Variants in KIF5C observed in about 807,000 individuals in gnomAD.
KIF5C encodes kinesin family member 5C, also known as kinesin heavy chain isoform 5C.
Under a neutral mutation model 125.2 loss-of-function variants are expected in KIF5C, and 18 were observed. The observed-to-expected ratio is 0.14, with a 90% CI of 0.10 to 0.21. The LOEUF is 0.21. Ranked by LOEUF, KIF5C falls within the 10% of genes least tolerant of loss-of-function variation. KIF5C has a pLI of 1.00. For synonymous variants in KIF5C, 405 were observed against 434.0 expected (o/e 0.93, Z 0.83); for missense variants, 780 against 1,183.8 (o/e 0.66, Z 5.01).
chr2:148,888,388 C>T (rs969631553), intron 1 of KIF5C: 1 of 152,262 alleles, frequency 6.6e-6, no homozygotes, highest in Non-Finnish European at 1.5e-5. Context: ...GGTCCCTCTG[C>T]CCCGCAGGAC....
rs1682601315 is a variant in KIF5C at position 149,023,694 on chromosome 2, T to C, written c.*624T>C. The C allele has an allele frequency of 6.6e-6, 1 of 152,546 alleles. No individual in the cohort carries two copies. The allele number at this position is 152,546 out of a possible 1,614,324, so 9.4% of individuals were successfully genotyped here. On this transcript the variant is annotated 3_prime_UTR_variant, in exon 26 of 26. Coordinates refer to ENST00000435030, the MANE Select transcript of KIF5C (RefSeq NM_004522.3). ...AAATTTCTTTGGGGCAGAAAAACAA[T>C]CTGACAGTAGCAGTGTAGAATTTGT...
chr2:148,899,317 C>T (rs756574996), intron 1 of KIF5C, among the ~76,000 whole-genome samples: 10 of 152,010 alleles, frequency 6.6e-5, no homozygotes, highest in Non-Finnish European at 1.3e-4. Flanking sequence ...TTTGGATTAA[C>T]GAAAATGGAA....
intron 7 of KIF5C, among the ~76,000 whole-genome samples, chr2:148,944,277 T>C (rs1256259081): frequency 6.6e-6 from 1 of 152,194 alleles, no homozygotes; most frequent in Non-Finnish European, 1.5e-5. Context: ...TCTCTAGAAC[T>C]TTATCTTCTC....
intron 3 of KIF5C, among the ~76,000 whole-genome samples, chr2:148,930,008 C>G (rs1682137104): frequency 6.6e-6 from 1 of 152,202 alleles, no homozygotes; most frequent in South Asian, 2.1e-4. Flanking sequence ...CAGGGAACAG[C>G]TGCTGTCACC....
At position 148,944,149 on chromosome 2, in the gene KIF5C, T is replaced by C. The variant is rs1682470534; in HGVS notation, c.589+1389T>C. Reference sequence around the variant, plus strand: ...TATTCTTATCATTCTGGTAAGGTTTTTCTTTATTATTGCAATAAAATATAC... The same window carrying C: ...TATTCTTATCATTCTGGTAAGGTTTCTCTTTATTATTGCAATAAAATATAC... On this transcript the variant is annotated intron_variant, in intron 7 of 25. Transcript: ENST00000435030. Among the ~76,000 whole-genome samples the C allele has an allele frequency of 3.9e-5, 6 of 152,214 alleles. No individual in the cohort carries two copies. In the South Asian group the frequency reaches 1.2e-3, roughly 32 times the overall value.
intron 25 of KIF5C, among the ~76,000 whole-genome samples, chr2:149,015,330 C>CT (rs5835288): frequency 0.046 from 6,945 of 152,192 alleles, 398 homozygotes; most frequent in African/African-American, 0.13. Context: ...ATGCTAAATC[C>CT]TTTTTGAAAA....
chr2:148,960,147 G>A (rs1168312914), intron 10 of KIF5C, among the ~76,000 whole-genome samples: 1 of 152,178 alleles, frequency 6.6e-6, no homozygotes, highest in Non-Finnish European at 1.5e-5. Context: ...AGTATTTTGA[G>A]AATGAGGACC....
At chr2:148,899,901 C>A (rs1474601810) in intron 1 of KIF5C, among the ~76,000 whole-genome samples, 1 of 152,014 alleles carries the variant, frequency 6.6e-6, no homozygotes, top group African/African-American at 2.4e-5. Flanking sequence ...GTAGGGTATG[C>A]CTGGGCATTA....
At chr2:148,981,292 C>T (rs1178529200) in intron 13 of KIF5C, 63 bp from the exon 14 acceptor site, 4 of 1,484,160 alleles carry the variant, frequency 2.7e-6, no homozygotes, top group Non-Finnish European at 3.6e-6. Flanking sequence ...CTTTTGGATA[C>T]AGCATAGAAC....
chr2:149,000,533 A>C lies in KIF5C; in HGVS notation c.2312+9A>C. Reference sequence around the variant, plus strand: ...AAGCTGGAAAAGCTCTTGTGAGTGCACTCTAAATATTTCCTCTATTTTCTC... The same window carrying C: ...AAGCTGGAAAAGCTCTTGTGAGTGCCCTCTAAATATTTCCTCTATTTTCTC... On this transcript the variant is annotated intron_variant, in intron 20 of 25. Transcript: ENST00000435030. 6.4e-7 allele frequency: 1 copy of C among 1,551,954 alleles called. No individual in the cohort carries two copies. Among genetic ancestry groups the C allele is most frequent in the Non-Finnish European group, 8.8e-7 (1 of 1,142,682 alleles).
At chr2:148,940,658 T>G (rs1017327270) in intron 4 of KIF5C, among the ~76,000 whole-genome samples, 2 of 152,186 alleles carry the variant, frequency 1.3e-5, no homozygotes, top group Non-Finnish European at 2.9e-5. Context: ...CTCCCTTGTT[T>G]AGATTTCAAA....
intron 13 of KIF5C, among the ~76,000 whole-genome samples, chr2:148,979,885 A>C (rs73965235): frequency 2.8e-4 from 43 of 152,356 alleles, no homozygotes; most frequent in African/African-American, 1.0e-3. Flanking sequence ...AGTATTTTAC[A>C]AACAAGAACC....
Position 148,924,459 on chromosome 2 carries a change from T to G in KIF5C, c.217+2232T>G, listed in dbSNP as rs1681913146. Among the ~76,000 whole-genome samples, 1 of 151,768 alleles carries G rather than the reference T, an allele frequency of 6.6e-6. No individual in the cohort carries two copies. The highest frequency in any genetic ancestry group is 6.5e-5 in the Admixed American group (1 of 15,272). On this transcript the variant is annotated intron_variant, in intron 2 of 25. Transcript: ENST00000435030. This position sits in a 1 kb window ranked among gnomAD's most constrained non-coding sequence, Gnocchi z 4.0. Reference sequence around the variant, plus strand: ...CTCGATGGCTTTATTCTCTCTCTGGTTTTTCATTCCCTACCACTTCACTGG... The same window carrying G: ...CTCGATGGCTTTATTCTCTCTCTGGGTTTTCATTCCCTACCACTTCACTGG...
rs115716662 is a variant in KIF5C at position 148,906,267 on chromosome 2, A to G, written c.127-15870A>G. 6.5e-3 allele frequency among the ~76,000 whole-genome samples: 987 copies of G among 152,338 alleles called. 17 individuals are homozygous for G. The highest frequency in any genetic ancestry group is 0.065 in the Middle Eastern group (19 of 294). ...CAGAAAAAGAGGGTGAGGCGCAAGT[A>G]TGAGTGCCTGGAGGGAACCAGGCTG... On this transcript the variant is annotated intron_variant, in intron 1 of 25. Coordinates refer to ENST00000435030, the MANE Select transcript of KIF5C (RefSeq NM_004522.3).
chr2:148,999,068 T>A (rs1681770649), intron 19 of KIF5C, among the ~76,000 whole-genome samples: 1 of 152,216 alleles, frequency 6.6e-6, no homozygotes, highest in Non-Finnish European at 1.5e-5. Flanking sequence ...CCTGTGGCAC[T>A]GCCACCAGGA....
At chr2:148,970,073 G>A (rs1216895451) in intron 11 of KIF5C, among the ~76,000 whole-genome samples, 1 of 152,164 alleles carries the variant, frequency 6.6e-6, no homozygotes, top group Non-Finnish European at 1.5e-5. Flanking sequence ...GAAAAGAGCT[G>A]GTTGTTTAGA....
Position 148,998,669 on chromosome 2 carries a change from T to C in KIF5C, c.2210+160T>C, listed in dbSNP as rs541849429. 20 of 1,215,784 alleles carry C rather than the reference T, an allele frequency of 1.6e-5. No homozygotes were observed. In the East Asian group the frequency reaches 5.3e-4, roughly 32 times the overall value. The allele number at this position is 1,215,784 out of a possible 1,614,324, so 75.3% of individuals were successfully genotyped here. On this transcript the variant is annotated intron_variant, in intron 19 of 25. Transcript: ENST00000435030. ...GGCTGGGCGGGCTGCTTCCAAGGTC[T>C]GTTCTCCGATCTGGAGCTGAGCCTC...
At chr2:148,919,775 ATAAC>A (rs1457697532) in intron 1 of KIF5C, among the ~76,000 whole-genome samples, 1 of 152,242 alleles carries the variant, frequency 6.6e-6, no homozygotes, top group Non-Finnish European at 1.5e-5. Context: ...ATAAAAGCCT[ATAAC>A]TAACTCAGTG....
chr2:149,020,538 A>G (rs185256470), intron 25 of KIF5C, among the ~76,000 whole-genome samples: 4 of 152,226 alleles, frequency 2.6e-5, no homozygotes, highest in Admixed American at 2.6e-4. Flanking sequence ...TGCTGGAGTT[A>G]TTGAGGCCGC....
Sources: gnomAD v4.1 joint callset for allele counts (sites outside exome capture counted in the v4.1 genomes callset) on GRCh38, gnomAD v4.1.1 for gene constraint, Gnocchi (gnomAD v3.1) non-coding constraint, MANE v1.5 for transcripts, NCBI Gene and HGNC (gene_info 2026-07-23, HGNC 2026-07-21) for gene names.